NAALADL2: variants seen among roughly 807,000 people sequenced by gnomAD.
The protein encoded by NAALADL2 is inactive N-acetylated-alpha-linked acidic dipeptidase-like protein 2.
Under a neutral mutation model 87.2 loss-of-function variants are expected in NAALADL2, and 76 were observed. The ratio of observed to expected loss-of-function variants is 0.87; its 90% confidence interval spans 0.72 to 1.05. NAALADL2 has a LOEUF of 1.05. Among genes scored for constraint, NAALADL2 ranks in the 50% least tolerant of loss-of-function variants. The pLI is 0.00. For synonymous variants in NAALADL2, 354 were observed against 331.0 expected (o/e 1.07, Z -0.75); for missense variants, 1,089 against 945.8 (o/e 1.15, Z -1.99).
At chr3:174,889,651 A>T (rs1053736305) in intron 1 of NAALADL2, among the ~76,000 whole-genome samples, 3 of 151,702 alleles carry the variant, frequency 2.0e-5, no homozygotes, top group Middle Eastern at 3.2e-3. Context: ...AAAAAAAAAA[A>T]TGGCACTAAT....
At chr3:175,275,595 T>C (rs1443346983) in intron 4 of NAALADL2, among the ~76,000 whole-genome samples, 3 of 151,952 alleles carry the variant, frequency 2.0e-5, no homozygotes, top group Non-Finnish European at 2.9e-5. Context: ...ACAAAATGAC[T>C]GTATTATGAC....
Position 175,336,357 on chromosome 3 carries a change from T to C in NAALADL2, c.1090+12032T>C, listed in dbSNP as rs148695594. Among the ~76,000 whole-genome samples the C allele has an allele frequency of 8.0e-3, 1,211 of 152,236 alleles. 21 individuals are homozygous for C. The highest frequency in any genetic ancestry group is 0.028 in the African/African-American group (1,146 of 41,548). On this transcript the variant is annotated intron_variant, in intron 5 of 13. Coordinates refer to ENST00000454872, the MANE Select transcript of NAALADL2 (RefSeq NM_207015.3). ...AAATGTATCTAACCACGGAGTCATT[T>C]TTGAGGAATATCTGGAATTACTACT...
intron 10 of NAALADL2, among the ~76,000 whole-genome samples, chr3:175,621,941 C>T (rs1035393220): frequency 2.0e-5 from 3 of 152,060 alleles, no homozygotes; most frequent in Non-Finnish European, 4.4e-5. Context: ...ACAGAAATTG[C>T]TATTATTGAA....
chr3:174,785,184 T>C (rs1716495992), intron 3 of NAALADL2, among the ~76,000 whole-genome samples: 3 of 152,288 alleles, frequency 2.0e-5, no homozygotes, highest in Middle Eastern at 6.8e-3. Flanking sequence ...CCTTCTACTG[T>C]TTCCCTCTAT....
rs1291971828 is a variant in NAALADL2 at position 174,585,653 on chromosome 3, G to GT, written c.-115+35024dup. On this transcript the variant is annotated intron_variant, in intron 2 of 3. Coordinates refer to the NAALADL2 transcript ENST00000434257. ...CAGCTCATTGTGGAATCAAAAGATA[G>GT]TTTTTTTTGTTTTTTTTTTACTTAA... 1.5e-3 allele frequency among the ~76,000 whole-genome samples: 218 copies of GT among 145,408 alleles called. 1 individual carries two copies. Among genetic ancestry groups the GT allele is most frequent in the African/African-American group, 5.0e-3 (197 of 39,462 alleles).
chr3:174,893,360 T>C (rs1461679695), intron 1 of NAALADL2, among the ~76,000 whole-genome samples: 1 of 148,246 alleles, frequency 6.7e-6, no homozygotes, highest in Non-Finnish European at 1.5e-5. Flanking sequence ...CACCTGAAGG[T>C]ACAAAACTTG....
At chr3:174,656,300 A>G (rs56162736) in intron 2 of NAALADL2, among the ~76,000 whole-genome samples, 2,376 of 152,292 alleles carry the variant, frequency 0.016, 65 homozygotes, top group African/African-American at 0.055. Flanking sequence ...AACAGAACTG[A>G]AGGATAGAGA....
rs557250316 is a variant in NAALADL2, at chr3:175,500,141, C to A, written c.1653+28383C>A. On this transcript the variant is annotated intron_variant, in intron 9 of 13. Transcript: ENST00000454872. Reference sequence around the variant, plus strand: ...GGATACTACAAAGAGAATTATTCTACCTCCTAGAATCATTATCCTTTAGAA... The same window carrying A: ...GGATACTACAAAGAGAATTATTCTAACTCCTAGAATCATTATCCTTTAGAA... Among the ~76,000 whole-genome samples, 96 of 152,176 alleles carry A rather than the reference C, an allele frequency of 6.3e-4. 1 individual carries two copies. In the East Asian group the frequency reaches 0.01, roughly 16 times the overall value.
chr3:174,986,742 C>A (rs1745931035), intron 1 of NAALADL2, among the ~76,000 whole-genome samples: 1 of 152,106 alleles, frequency 6.6e-6, no homozygotes, highest in Non-Finnish European at 1.5e-5. Flanking sequence ...ATGATAACTT[C>A]ATGAATATTG....
chr3:175,618,974 G>A (rs1441226872), intron 10 of NAALADL2, among the ~76,000 whole-genome samples: 1 of 152,172 alleles, frequency 6.6e-6, no homozygotes, highest in African/African-American at 2.4e-5. Flanking sequence ...GCCTTCTACT[G>A]TTGACTGCCT....
chr3:175,601,825 C>T (rs931422455), intron 10 of NAALADL2, among the ~76,000 whole-genome samples: 4 of 152,066 alleles, frequency 2.6e-5, no homozygotes, highest in Admixed American at 2.6e-4. Context: ...TGTCTTTAGC[C>T]ATAAACCATA....
intron 11 of NAALADL2, among the ~76,000 whole-genome samples, chr3:175,727,606 A>C (rs1303669727): frequency 1.3e-5 from 2 of 152,198 alleles, no homozygotes; most frequent in Non-Finnish European, 2.9e-5. Flanking sequence ...GGTAGTCTTC[A>C]TTTGAGACTA....
chr3:175,204,939 C>T (rs1326629420), intron 2 of NAALADL2, among the ~76,000 whole-genome samples: 1 of 151,954 alleles, frequency 6.6e-6, no homozygotes, highest in Admixed American at 6.6e-5. Flanking sequence ...CAAAACACTG[C>T]TGAAAGAAAT....
chr3:174,896,409 A>T (rs1731536595), intron 1 of NAALADL2, among the ~76,000 whole-genome samples: 1 of 152,168 alleles, frequency 6.6e-6, no homozygotes, highest in Admixed American at 6.5e-5. Context: ...ATAAAAAGGT[A>T]ATACCATTTA....
intron 3 of NAALADL2, among the ~76,000 whole-genome samples, chr3:175,246,291 GGTGAGCAATACTT>G (rs1485367839): frequency 2.0e-5 from 3 of 152,094 alleles, no homozygotes; most frequent in Non-Finnish European, 2.9e-5. Context: ...CTCGTTTTTA[GGTGAGCAATACTT>G]GTGATAGTAT....
chr3:174,749,063 A>G (rs1250020201), intron 3 of NAALADL2, among the ~76,000 whole-genome samples: 1 of 152,170 alleles, frequency 6.6e-6, no homozygotes, highest in Non-Finnish European at 1.5e-5. Flanking sequence ...TGCCTGTTTC[A>G]GCCAGGACTT....
Position 175,201,462 on chromosome 3 carries a change from G to A in NAALADL2, c.546-32469G>A, listed in dbSNP as rs1048574761. The stretch of plus-strand genomic sequence containing the variant: ...GTTAAGATTATTTTTTATTCTATGA[G>A]TATAATCATTCAACATATCATGAGC... On this transcript the variant is annotated intron_variant, in intron 2 of 13. Transcript: ENST00000454872. Among the ~76,000 whole-genome samples, 21 of 152,050 alleles carry A rather than the reference G, an allele frequency of 1.4e-4. No individual in the cohort carries two copies. In the East Asian group the frequency reaches 3.3e-3, roughly 24 times the overall value.
At chr3:174,658,625 A>C (rs570337787) in intron 2 of NAALADL2, among the ~76,000 whole-genome samples, 2 of 152,294 alleles carry the variant, frequency 1.3e-5, no homozygotes, top group South Asian at 4.1e-4. Flanking sequence ...TTGGCTTCTG[A>C]AAGTGAGAAA....
intron 9 of NAALADL2, among the ~76,000 whole-genome samples, chr3:175,498,632 C>T (rs1363207433): frequency 6.6e-6 from 1 of 152,024 alleles, no homozygotes; most frequent in Non-Finnish European, 1.5e-5. Flanking sequence ...CTAATCTCTA[C>T]ATGACTATTA....
Sources: allele counts gnomAD v4.1 joint callset (sites outside exome capture counted in the v4.1 genomes callset), GRCh38; gene constraint gnomAD v4.1.1; transcripts MANE v1.5; gene names NCBI Gene and HGNC (gene_info 2026-07-23, HGNC 2026-07-21).